PDE3B: variants seen among roughly 807,000 people sequenced by gnomAD.
The protein encoded by PDE3B is cGMP-inhibited 3',5'-cyclic phosphodiesterase 3B.
PDE3B carries 66 observed loss-of-function variants against 116.8 expected under a neutral mutation model. That is an observed-to-expected ratio of 0.56 (90% confidence interval 0.46 to 0.69). The LOEUF is 0.69. PDE3B is among the 30% of genes least tolerant of loss of function. PDE3B has a pLI of 0.00. For missense variants in PDE3B, 1,384 were observed against 1,368.1 expected, an observed-to-expected ratio of 1.01 and a Z score of -0.18; for synonymous variants, 595 against 533.6, an observed-to-expected ratio of 1.12 and a Z score of -1.59.
At chr11:14,788,992 T>C in intron 3 of PDE3B, 114 bp from the exon 4 acceptor site, 3 of 673,312 alleles carry the variant, frequency 4.5e-6, no homozygotes, top group African/African-American at 3.7e-5. Flanking sequence ...TTCTTTTTTC[T>C]CTGTACATGT....
chr11:14,803,878 C>A, intron 4 of PDE3B, 66 bp from the exon 5 acceptor site: 1 of 894,764 alleles, frequency 1.1e-6, no homozygotes, highest in Non-Finnish European at 1.9e-6. Context: ...AATTGAGAAC[C>A]ATGAGGAAAA....
Position 14,645,038 on chromosome 11 carries a change from TA to T in PDE3B, c.964del (p.Ile322PhefsTer6). 1 of 1,609,146 alleles carries T rather than the reference TA, an allele frequency of 6.2e-7. No individual in the cohort carries two copies. Among genetic ancestry groups the T allele is most frequent in the Non-Finnish European group, 8.5e-7 (1 of 1,177,480 alleles). The stretch of plus-strand genomic sequence containing the variant: ...TATTCAGGAGACCGTCGTTGCCTTG[TA>T]TTTCCAGAGAACAGGTATGTTAGCT... ...KIFRRPSLPC[I>X]SREQMILWDW... On this transcript the variant is annotated frameshift_variant, in exon 1 of 16. Coordinates refer to ENST00000282096, the MANE Select transcript of PDE3B (RefSeq NM_000922.4). LOFTEE classifies it high-confidence loss of function.
intron 1 of PDE3B, among the ~76,000 whole-genome samples, chr11:14,736,841 A>T (rs1288475963): frequency 6.6e-6 from 1 of 152,186 alleles, no homozygotes; most frequent in Non-Finnish European, 1.5e-5. Flanking sequence ...GGTTTTGATC[A>T]TCTGAGAGAG....
intron 1 of PDE3B, among the ~76,000 whole-genome samples, chr11:14,731,655 G>C (rs1015601540): frequency 6.6e-6 from 1 of 152,082 alleles, no homozygotes; most frequent in African/African-American, 2.4e-5. Flanking sequence ...AAATGACATA[G>C]TTATAAGGCT....
chr11:14,669,867 A>C (rs1462106950), intron 1 of PDE3B, among the ~76,000 whole-genome samples: 1 of 152,160 alleles, frequency 6.6e-6, no homozygotes, highest in Non-Finnish European at 1.5e-5. Flanking sequence ...TATTTCAGAT[A>C]GTTTGGAGTG....
intron 1 of PDE3B, among the ~76,000 whole-genome samples, chr11:14,731,466 G>A (rs1484847588): frequency 6.6e-6 from 1 of 151,868 alleles, no homozygotes; most frequent in Non-Finnish European, 1.5e-5. Context: ...CATCGTGTTA[G>A]CCAGGATGGT....
intron 1 of PDE3B, among the ~76,000 whole-genome samples, chr11:14,721,899 C>T (rs1220734705): frequency 7.8e-6 from 1 of 127,656 alleles, no homozygotes; most frequent in Non-Finnish European, 1.6e-5. Flanking sequence ...GCAATGTGCA[C>T]ATGTACCCTA....
the PDE3B span, among the ~76,000 whole-genome samples, chr11:14,893,393 G>C: frequency 6.6e-6 from 1 of 152,222 alleles, no homozygotes; most frequent in African/African-American, 2.4e-5. Context: ...AACTGCTAAA[G>C]AAGTGTATTT....
intron 1 of PDE3B, among the ~76,000 whole-genome samples, chr11:14,686,666 A>C (rs1236163409): frequency 2.0e-5 from 3 of 152,144 alleles, no homozygotes. Flanking sequence ...ACTTAAAAAT[A>C]AGCCACTTTT....
At chr11:14,653,180 T>G (rs1273881993) in intron 1 of PDE3B, among the ~76,000 whole-genome samples, 2 of 152,212 alleles carry the variant, frequency 1.3e-5, no homozygotes, top group African/African-American at 2.4e-5. Flanking sequence ...TGGTGGAATC[T>G]TCAGGGTCTT....
intron 12 of PDE3B, among the ~76,000 whole-genome samples, chr11:14,845,375 C>T (rs1847575490): frequency 6.6e-6 from 1 of 152,022 alleles, no homozygotes; most frequent in Admixed American, 6.6e-5. Flanking sequence ...TAGATAAAAC[C>T]ACAAAGATGG....
intron 1 of PDE3B, among the ~76,000 whole-genome samples, chr11:14,707,021 C>T (rs996366725): frequency 1.3e-5 from 2 of 151,748 alleles, no homozygotes; most frequent in African/African-American, 4.8e-5. Flanking sequence ...TGTCATGGAA[C>T]TTAGATTTCA....
chr11:14,892,156 G>A, the PDE3B span: 10 of 1,610,586 alleles, frequency 6.2e-6, no homozygotes, highest in Middle Eastern at 4.0e-4. Context: ...CAGGAAGAGC[G>A]CGCCGCCGAG....
intron 4 of PDE3B, among the ~76,000 whole-genome samples, chr11:14,789,494 G>A (rs769421697): frequency 4.6e-5 from 7 of 152,074 alleles, no homozygotes; most frequent in Non-Finnish European, 8.8e-5. Flanking sequence ...GATAGTTTAG[G>A]GAAATCAGGA....
intron 2 of PDE3B, among the ~76,000 whole-genome samples, chr11:14,782,148 G>A (rs929301024): frequency 5.9e-5 from 9 of 151,634 alleles, no homozygotes; most frequent in South Asian, 2.1e-4. Flanking sequence ...ACTGCTCAAC[G>A]AAGTAAAAGA....
At chr11:14,753,907 T>C (rs2133878713) in intron 1 of PDE3B, among the ~76,000 whole-genome samples, 1 of 152,206 alleles carries the variant, frequency 6.6e-6, no homozygotes, top group East Asian at 1.9e-4. Context: ...AATAGTTCAT[T>C]CCATACCAAT....
chr11:14,851,605 G>A lies in PDE3B; in HGVS notation c.2521-7438G>A, dbSNP rs538821107. Among the ~76,000 whole-genome samples the A allele has an allele frequency of 5.9e-5, 9 of 151,874 alleles. No individual in the cohort carries two copies. In the East Asian group the frequency reaches 1.7e-3, roughly 29 times the overall value. On this transcript the variant is annotated intron_variant, in intron 12 of 15. Transcript: ENST00000282096. ...TTATTAATAGCTCATGATTTCCAGA[G>A]GTAACTTTCTGATTAATTTAAATCT...
At chr11:14,765,384 C>T (rs547015854) in intron 1 of PDE3B, among the ~76,000 whole-genome samples, 1 of 151,910 alleles carries the variant, frequency 6.6e-6, no homozygotes, top group South Asian at 2.1e-4. Context: ...TGATGTTTCA[C>T]TGTGGTTTTG....
chr11:14,847,630 A>T (rs1847639795), intron 12 of PDE3B, among the ~76,000 whole-genome samples: 1 of 152,204 alleles, frequency 6.6e-6, no homozygotes, highest in Admixed American at 6.5e-5. Flanking sequence ...AATCAAATAG[A>T]CGCAATAAAA....
Sources: allele counts gnomAD v4.1 joint callset (sites outside exome capture counted in the v4.1 genomes callset), GRCh38; gene constraint gnomAD v4.1.1; transcripts MANE v1.5; gene names NCBI Gene and HGNC (gene_info 2026-07-23, HGNC 2026-07-21).